Variants in DMD observed in about 807,000 individuals in gnomAD.
DMD encodes dystrophin, also known as mutant dystrophin.
DMD carries 63 observed loss-of-function variants against 330.1 expected under a neutral mutation model. That is an observed-to-expected ratio of 0.19 (90% CI 0.16 to 0.24). DMD has a LOEUF of 0.24. Among genes scored for constraint, DMD ranks in the 10% least tolerant of loss-of-function variants. The pLI is 1.00. For synonymous variants in DMD, 1,223 were observed against 959.8 expected, an observed-to-expected ratio of 1.27 and a Z score of -5.07; for missense variants, 3,344 against 2,684.1, an observed-to-expected ratio of 1.25 and a Z score of -5.43.
intron 6 of DMD, among the ~76,000 whole-genome samples, chrX:32,810,115 C>T (rs980900991): frequency 1.8e-5 from 2 of 108,668 alleles, no homozygotes; most frequent in African/African-American, 6.7e-5. Flanking sequence ...AGAGTGAGAC[C>T]CTGTATCAAA....
At chrX:31,627,980 G>A (rs999953735) in intron 54 of DMD, 118 bp from the exon 55 acceptor site, 10 of 668,526 alleles carry the variant, frequency 1.5e-5, no homozygotes, top group Admixed American at 5.3e-5. Context: ...AATGGGGTGA[G>A]TTGTTGCTAC....
chrX:32,797,975 CAACT>C (rs1348250155), intron 7 of DMD, among the ~76,000 whole-genome samples: 3 of 111,526 alleles, frequency 2.7e-5, no homozygotes, highest in African/African-American at 9.8e-5. Context: ...TTAAATTCCC[CAACT>C]GAGTAAGAAA....
At chrX:32,736,037 C>T (rs1460884252) in intron 7 of DMD, among the ~76,000 whole-genome samples, 1 of 111,535 alleles carries the variant, frequency 9.0e-6, no homozygotes. Flanking sequence ...GGCTAATATC[C>T]AGAATCTACA....
intron 2 of DMD, among the ~76,000 whole-genome samples, chrX:32,987,672 A>T (rs1310578654): frequency 1.8e-5 from 2 of 111,132 alleles, no homozygotes; most frequent in East Asian, 2.8e-4. Flanking sequence ...AGGCTTTTAT[A>T]ATCAACCTGA....
chrX:32,807,235 A>C (rs756100631), intron 7 of DMD, among the ~76,000 whole-genome samples: 2 of 109,446 alleles, frequency 1.8e-5, no homozygotes, highest in Non-Finnish European at 3.8e-5. Flanking sequence ...ATAGAGAAGA[A>C]TCAAATAGAC....
intron 63 of DMD, among the ~76,000 whole-genome samples, chrX:31,252,829 T>C (rs929245441): frequency 6.3e-5 from 7 of 111,140 alleles, no homozygotes; most frequent in African/African-American, 2.3e-4. Context: ...CTGGCCAACA[T>C]GGTGAAACCC....
chrX:31,362,518 T>C (rs1220112715), intron 60 of DMD, among the ~76,000 whole-genome samples: 1 of 112,881 alleles, frequency 8.9e-6, no homozygotes, highest in Non-Finnish European at 1.9e-5. Flanking sequence ...TATGCAAATA[T>C]TCCAAAATCC....
At chrX:32,807,249 A>G (rs2077033207) in intron 7 of DMD, among the ~76,000 whole-genome samples, 1 of 109,940 alleles carries the variant, frequency 9.1e-6, no homozygotes, top group Non-Finnish European at 1.9e-5. Flanking sequence ...AATAGACACA[A>G]TAAAAAATGA....
At chrX:32,087,349 C>T (rs940707713) in intron 44 of DMD, among the ~76,000 whole-genome samples, 1 of 111,584 alleles carries the variant, frequency 9.0e-6, no homozygotes, top group African/African-American at 3.3e-5. Flanking sequence ...GAAAATGCTA[C>T]ATAAACGTAG....
At chrX:31,418,080 G>A (rs2148927013) in intron 60 of DMD, among the ~76,000 whole-genome samples, 1 of 110,044 alleles carries the variant, frequency 9.1e-6, no homozygotes, top group African/African-American at 3.3e-5. Flanking sequence ...TAGATTTTCT[G>A]GAAAATGAAT....
chrX:32,610,458 G>A (rs1326583665), intron 12 of DMD, among the ~76,000 whole-genome samples: 1 of 111,176 alleles, frequency 9.0e-6, no homozygotes. Context: ...TGAATTTCTA[G>A]CCTGCCTCAT....
intron 9 of DMD, among the ~76,000 whole-genome samples, chrX:32,668,619 T>C (rs1025561668): frequency 1.6e-4 from 18 of 111,725 alleles, no homozygotes; most frequent in African/African-American, 5.2e-4. Flanking sequence ...CAGCAAGTGT[T>C]TTAAAACAAA....
In DMD at chrX:33,072,987, A is replaced by T. The variant is rs6628773; in HGVS notation, c.32-52787T>A. On this transcript the variant is annotated intron_variant, in intron 1 of 78. Transcript: ENST00000357033. ...TTTGAGGTATCCCTATTTGGCCAGA[A>T]AATTTAGAGCAAAAGATGTTCAATT... Among the ~76,000 whole-genome samples the T allele has an allele frequency of 2.2e-3, 251 of 112,226 alleles. 2 individuals are homozygous for T. In the East Asian group the frequency reaches 0.059, roughly 26 times the overall value.
intron 1 of DMD, among the ~76,000 whole-genome samples, chrX:33,242,030 G>A (rs1206211640): frequency 1.8e-5 from 2 of 112,120 alleles, no homozygotes; most frequent in African/African-American, 6.5e-5. Context: ...CCAAAGTGAT[G>A]GGATTACAGG....
chrX:31,687,402 T>G (rs1328855967), intron 52 of DMD, among the ~76,000 whole-genome samples: 1 of 111,247 alleles, frequency 9.0e-6, no homozygotes, highest in Non-Finnish European at 1.9e-5. Context: ...TTGGACAGCA[T>G]TTTTGGTCCT....
intron 2 of DMD, among the ~76,000 whole-genome samples, chrX:32,978,688 C>T (rs2092620894): frequency 8.9e-6 from 1 of 112,155 alleles, no homozygotes; most frequent in South Asian, 3.7e-4. Context: ...AGGTTGGTCT[C>T]CAACTCCTGA....
intron 2 of DMD, among the ~76,000 whole-genome samples, chrX:32,881,027 T>TA (rs1037816984): frequency 1.8e-5 from 2 of 112,881 alleles, no homozygotes; most frequent in Non-Finnish European, 3.7e-5. Flanking sequence ...TTTAAAAAGC[T>TA]AAAAATCTTA....
chrX:32,295,810 C>T (rs1367118843), intron 42 of DMD, among the ~76,000 whole-genome samples: 25 of 111,705 alleles, frequency 2.2e-4, no homozygotes, highest in Admixed American at 2.2e-3. Context: ...GTTTTTCTTC[C>T]ATTTAATGTA....
chrX:32,680,744 C>T (rs1300014646), intron 9 of DMD, among the ~76,000 whole-genome samples: 4 of 110,698 alleles, frequency 3.6e-5, no homozygotes, highest in Non-Finnish European at 3.8e-5. Flanking sequence ...TTTGCTGTCT[C>T]TCTCCCCCCA....
Sources: allele counts gnomAD v4.1 joint callset (sites outside exome capture counted in the v4.1 genomes callset), GRCh38; gene constraint gnomAD v4.1.1; transcripts MANE v1.5; gene names NCBI Gene and HGNC (gene_info 2026-07-23, HGNC 2026-07-21).